The following GNAT1 variants were observed in gnomAD, a reference collection of about 807,000 sequenced individuals.
GNAT1 encodes the protein G protein subunit alpha transducin 1, also known as guanine nucleotide-binding protein G(t) subunit alpha-1.
Under a neutral mutation model 40.0 loss-of-function variants are expected in GNAT1, and 36 were observed. The observed-to-expected ratio is 0.90, with a 90% CI of 0.69 to 1.19. GNAT1 has a LOEUF of 1.19. Among genes scored for constraint, GNAT1 ranks in the 50% most tolerant of loss-of-function variants. The pLI is 0.00. For synonymous variants in GNAT1, 195 were observed against 192.9 expected (o/e 1.01, Z -0.09); for missense variants, 413 against 480.6 (o/e 0.86, Z 1.32).
Position 50,193,283 on chromosome 3 carries a change from G to A in GNAT1, c.168G>A (p.Gly56=), listed in dbSNP as rs747846195. The A allele has an allele frequency of 3.7e-6, 6 of 1,614,196 alleles. No homozygotes were observed. The highest frequency in any genetic ancestry group is 5.1e-6 in the Non-Finnish European group (6 of 1,180,020). ...GCCTCAGGATTATCCACCAGGACGG[G>A]TACTCGCTGGAAGAGTGCCTCGAGT... ...VKQMKIIHQD[G]YSLEECLEFI... The change falls in exon 3 of 9, where the codon GGG becomes GGA. Residue 56 remains glycine, a synonymous_variant. Coordinates refer to ENST00000232461, the MANE Select transcript of GNAT1 (RefSeq NM_144499.3). This position sits in a 1 kb window ranked among gnomAD's most constrained non-coding sequence, Gnocchi z 8.1.
rs1413067516 is a variant in GNAT1, at chr3:50,191,866, C to A, written c.106+35C>A. 4 of 1,369,504 alleles carry A rather than the reference C, an allele frequency of 2.9e-6. No individual in the cohort carries two copies. The South Asian group carries it at 4.7e-5, about 16-fold the overall frequency. 84.8% of individuals were successfully genotyped at this position (1,369,504 alleles called of 1,614,324 possible). ...TGGGCCCAGGTGGGGCCACTGCCACCAGGTCATTGGTCTGGAGGCAGGCAG... is the reference window on the plus strand; with the variant it reads ...TGGGCCCAGGTGGGGCCACTGCCACAAGGTCATTGGTCTGGAGGCAGGCAG... On this transcript the variant is annotated intron_variant, in intron 1 of 8. Coordinates refer to ENST00000232461, the MANE Select transcript of GNAT1 (RefSeq NM_144499.3).
Position 50,193,800 on chromosome 3 carries a change from C to T in GNAT1, c.497C>T (p.Thr166Ile), listed in dbSNP as rs1028826170. ...ERLVTPGYVP[T>I]EQDVLRSRVK... ...CTGGTAACCCCGGGCTACGTGCCCA[C>T]CGAGCAGGACGTGCTGCGCTCGCGA... The change falls in exon 5 of 9, where the codon ACC (threonine) becomes ATC (isoleucine). Residue 166 changes from threonine (T) to isoleucine (I), a missense_variant. Transcript: ENST00000232461. This position sits in a 1 kb window ranked among gnomAD's most constrained non-coding sequence, Gnocchi z 8.1. 1.9e-6 allele frequency: 3 copies of T among 1,612,888 alleles called. No individual in the cohort carries two copies. Among genetic ancestry groups the T allele is most frequent in the African/African-American group, 1.3e-5 (1 of 74,936 alleles).
rs1349735574 is a variant in GNAT1 at position 50,194,674 on chromosome 3, G to T, written c.862+20G>T. The T allele has an allele frequency of 1.9e-6, 3 of 1,611,684 alleles. No homozygotes were observed. The East Asian group carries it at 6.7e-5, about 36-fold the overall frequency. On this transcript the variant is annotated intron_variant, in intron 7 of 8. Coordinates refer to ENST00000232461, the MANE Select transcript of GNAT1 (RefSeq NM_144499.3). The surrounding 1 kb of genome is among the most constrained non-coding windows in gnomAD (Gnocchi z 6.1). ...ACGATGGTGAGAAGTCCGCAAGGCC[G>T]CCAGGCGGCGCCCCCGCCCCACGAT...
chr3:50,192,531 C>A (rs1425473186), intron 1 of GNAT1: 1 of 178,150 alleles, frequency 5.6e-6, no homozygotes, highest in Non-Finnish European at 1.2e-5. Context: ...TCTGGTCAAC[C>A]AGCTGGAGGT....
At chr3:50,192,086 G>A (rs994209891) in intron 1 of GNAT1, among the ~76,000 whole-genome samples, 1 of 152,246 alleles carries the variant, frequency 6.6e-6, no homozygotes, top group East Asian at 1.9e-4. Flanking sequence ...AGAAGTGCGT[G>A]CCAACCACAC....
At position 50,194,587 on chromosome 3, in the gene GNAT1, CAAG is replaced by C; in HGVS notation, c.799_801del (p.Lys267del). The stretch of plus-strand genomic sequence containing the variant: ...CGACGTCCATCGTGCTCTTCCTTAA[CAAG>C]AAGGACGTCTTCTTCGAGAAGATCA... On this transcript the variant is annotated inframe_deletion, in exon 7 of 9. Coordinates refer to ENST00000232461, the MANE Select transcript of GNAT1 (RefSeq NM_144499.3). The surrounding 1 kb of genome is among the most constrained non-coding windows in gnomAD (Gnocchi z 6.1). The C allele has an allele frequency of 6.2e-7, 1 of 1,613,398 alleles. No individual in the cohort carries two copies. The highest frequency in any genetic ancestry group is 8.5e-7 in the Non-Finnish European group (1 of 1,179,406).
In GNAT1 at chr3:50,194,246, T is replaced by C. The variant is rs574313069; in HGVS notation, c.708+25T>C. On this transcript the variant is annotated intron_variant, in intron 6 of 8. Transcript: ENST00000232461. This position sits in a 1 kb window ranked among gnomAD's most constrained non-coding sequence, Gnocchi z 6.1. ...GGTGCGTGCCAGGCAGGGCCTGTGT[T>C]CCAGGGGGGCGAGGAGGAGCTGCTG... 3 of 1,590,048 alleles carry C rather than the reference T, an allele frequency of 1.9e-6. No individual in the cohort carries two copies. The highest frequency in any genetic ancestry group is 2.7e-5 in the African/African-American group (2 of 74,418).
chr3:50,194,871 C>T lies in GNAT1; in HGVS notation c.969C>T (p.Thr323=). Residue 323 remains threonine (T), a synonymous_variant, in exon 8 of 9, where the codon ACC becomes ACT. Transcript: ENST00000232461. This position sits in a 1 kb window ranked among gnomAD's most constrained non-coding sequence, Gnocchi z 6.1. The part of the protein sequence containing the change: ...KEIYSHMTCA[T]DTQNVKFVFD... The stretch of plus-strand genomic sequence containing the variant: ...TCTATTCCCACATGACGTGCGCCAC[C>T]GACACGCAGAACGTCAAATTTGTCT... The T allele has an allele frequency of 6.2e-7, 1 of 1,613,888 alleles. No homozygotes were observed. The highest frequency in any genetic ancestry group is 1.3e-5 in the African/African-American group (1 of 75,032).
At position 50,195,425 on chromosome 3, in the gene GNAT1, C is replaced by T; in HGVS notation, c.*159C>T. 4.5e-6 allele frequency: 1 copy of T among 221,316 alleles called. No individual in the cohort carries two copies. Among genetic ancestry groups the T allele is most frequent in the South Asian group, 6.4e-5 (1 of 15,662 alleles). The allele number at this position is 221,316 out of a possible 1,614,324, so 13.7% of individuals were successfully genotyped here. The stretch of plus-strand genomic sequence containing the variant: ...CCCTGCTAGCCTTGAGGCGCGGACC[C>T]TCCCCCATACCTCCCACAGTATCCC... On this transcript the variant is annotated 3_prime_UTR_variant, in exon 9 of 9. Transcript: ENST00000232461.
chr3:50,194,542 C>G lies in GNAT1; in HGVS notation c.750C>G (p.Cys250Trp). The G allele has an allele frequency of 1.2e-6, 2 of 1,613,684 alleles. No individual in the cohort carries two copies. Among genetic ancestry groups the G allele is most frequent in the South Asian group, 2.2e-5 (2 of 91,084 alleles). The change falls in exon 7 of 9, where the codon TGC becomes TGG. Residue 250 changes from cysteine to tryptophan, a missense_variant. Coordinates refer to ENST00000232461, the MANE Select transcript of GNAT1 (RefSeq NM_144499.3). This position sits in a 1 kb window ranked among gnomAD's most constrained non-coding sequence, Gnocchi z 6.1. ...HESLHLFNSI[C>W]NHRYFATTSI... ...GCCTGCACCTGTTCAACAGCATCTGCAACCACCGCTACTTCGCCACGACGT... is the reference window on the plus strand; with the variant it reads ...GCCTGCACCTGTTCAACAGCATCTGGAACCACCGCTACTTCGCCACGACGT...
rs761142046 is a variant in GNAT1 at position 50,193,340 on chromosome 3, G to A, written c.225G>A (p.Gln75=). Residue 75 remains glutamine, a synonymous_variant, in exon 3 of 9, where the codon CAG becomes CAA. Coordinates refer to ENST00000232461, the MANE Select transcript of GNAT1 (RefSeq NM_144499.3). This position sits in a 1 kb window ranked among gnomAD's most constrained non-coding sequence, Gnocchi z 8.1. Reference sequence around the variant, plus strand: ...CCATCATCTACGGCAACACGTTGCAGTCCATCCTGGCCATCGTACGCGCCA... The same window carrying A: ...CCATCATCTACGGCAACACGTTGCAATCCATCCTGGCCATCGTACGCGCCA... The part of the protein sequence containing the change: ...FIAIIYGNTL[Q]SILAIVRAMT... The A allele has an allele frequency of 3.1e-6, 5 of 1,614,142 alleles. No individual in the cohort carries two copies. In the Admixed American group the frequency reaches 8.3e-5, roughly 27 times the overall value.
At chr3:50,191,863 C>T in intron 1 of GNAT1, 32 bp downstream of exon 1, 1 of 1,398,800 alleles carries the variant, frequency 7.1e-7, no homozygotes, top group East Asian at 2.3e-5. Context: ...GGGCCACTGC[C>T]ACCAGGTCAT....
rs1006715777 is a variant in GNAT1 at position 50,193,937 on chromosome 3, G to A, written c.578+56G>A. ...CTGCCCCAGGCCCCGTCCTGCCCCGGGGACCCCATCCCTGCGATAGACCCT... is the reference window on the plus strand; with the variant it reads ...CTGCCCCAGGCCCCGTCCTGCCCCGAGGACCCCATCCCTGCGATAGACCCT... On this transcript the variant is annotated intron_variant, in intron 5 of 8. Transcript: ENST00000232461. The surrounding 1 kb of genome is among the most constrained non-coding windows in gnomAD (Gnocchi z 8.1). The A allele has an allele frequency of 6.2e-7, 1 of 1,610,342 alleles. No individual in the cohort carries two copies. Among genetic ancestry groups the A allele is most frequent in the Non-Finnish European group, 8.5e-7 (1 of 1,177,354 alleles).
rs4688684 is a variant in GNAT1 at position 50,194,188 on chromosome 3, C to T, written c.675C>T (p.Ala225=). The T allele has an allele frequency of 3.8e-3, 6,117 of 1,612,834 alleles. 225 individuals are homozygous for T. The Admixed American group carries it at 0.064, about 17-fold the overall frequency. The change falls in exon 6 of 9, where the codon GCC becomes GCT. Residue 225 remains alanine, a synonymous_variant. Coordinates refer to ENST00000232461, the MANE Select transcript of GNAT1 (RefSeq NM_144499.3). The surrounding 1 kb of genome is among the most constrained non-coding windows in gnomAD (Gnocchi z 6.1). ...TCIIFIAALS[A]YDMVLVEDDE... is the part of the protein sequence containing the mutation. ...TCATCTTCATCGCGGCGCTGAGCGC[C>T]TACGACATGGTGCTAGTGGAGGACG...
chr3:50,195,008 G>A (rs1173315128), intron 8 of GNAT1, 52 bp downstream of exon 8: 3 of 1,328,338 alleles, frequency 2.3e-6, no homozygotes, highest in Non-Finnish European at 3.2e-6. Flanking sequence ...GCCCCGTCCA[G>A]CTCCCCACCC....
Position 50,193,826 on chromosome 3 carries a change from G to A in GNAT1, c.523G>A (p.Val175Ile), listed in dbSNP as rs760213416. 2.5e-6 allele frequency: 4 copies of A among 1,613,180 alleles called. No homozygotes were observed. The East Asian group carries it at 8.9e-5, about 36-fold the overall frequency. The change falls in exon 5 of 9, where the codon GTC (valine) becomes ATC (isoleucine). Residue 175 changes from valine to isoleucine, a missense_variant. Coordinates refer to ENST00000232461, the MANE Select transcript of GNAT1 (RefSeq NM_144499.3). This position sits in a 1 kb window ranked among gnomAD's most constrained non-coding sequence, Gnocchi z 8.1. ...PTEQDVLRSR[V>I]KTTGIIETQF... ...CGAGCAGGACGTGCTGCGCTCGCGA[G>A]TCAAGACCACTGGCATCATCGAGAC...
chr3:50,196,824 C>G lies in GNAT1; in HGVS notation c.*1558C>G, dbSNP rs1699510306. Among the ~76,000 whole-genome samples, 1 of 152,218 alleles carries G rather than the reference C, an allele frequency of 6.6e-6. No homozygotes were observed. Among genetic ancestry groups the G allele is most frequent in the East Asian group, 1.9e-4 (1 of 5,188 alleles). ...CCCCAGAAACATGGGCTTATGGCCACAGGAGTTCAGTGGAGCAAGAGCAGG... is the reference window on the plus strand; with the variant it reads ...CCCCAGAAACATGGGCTTATGGCCAGAGGAGTTCAGTGGAGCAAGAGCAGG... On this transcript the variant is annotated 3_prime_UTR_variant, in exon 9 of 9. Coordinates refer to ENST00000232461, the MANE Select transcript of GNAT1 (RefSeq NM_144499.3).
Position 50,194,566 on chromosome 3 carries a change from G to T in GNAT1, c.774G>T (p.Thr258=). The T allele has an allele frequency of 2.5e-6, 4 of 1,613,644 alleles. No individual in the cohort carries two copies. Among genetic ancestry groups the T allele is most frequent in the Non-Finnish European group, 3.4e-6 (4 of 1,179,680 alleles). The change falls in exon 7 of 9, where the codon ACG becomes ACT. Residue 258 remains threonine (T), a synonymous_variant. Transcript: ENST00000232461. The surrounding 1 kb of genome is among the most constrained non-coding windows in gnomAD (Gnocchi z 6.1). Reference sequence around the variant, plus strand: ...GCAACCACCGCTACTTCGCCACGACGTCCATCGTGCTCTTCCTTAACAAGA... The same window carrying T: ...GCAACCACCGCTACTTCGCCACGACTTCCATCGTGCTCTTCCTTAACAAGA... ...SICNHRYFAT[T]SIVLFLNKKD... is the part of the protein sequence containing the mutation.
chr3:50,192,981 G>C (rs1699435242), intron 1 of GNAT1, 152 bp from the exon 2 acceptor site: 1 of 713,570 alleles, frequency 1.4e-6, no homozygotes, highest in African/African-American at 1.8e-5. Context: ...ATTTGGATGG[G>C]GGGGTAGGTG....
Sources: allele counts gnomAD v4.1 joint callset (sites outside exome capture counted in the v4.1 genomes callset), GRCh38; gene constraint gnomAD v4.1.1; non-coding constraint Gnocchi (gnomAD v3.1); transcripts MANE v1.5; gene names NCBI Gene and HGNC (gene_info 2026-07-23, HGNC 2026-07-21).